STOML3: variants seen among roughly 807,000 people sequenced by gnomAD.
STOML3 encodes stomatin like 3.
A neutral mutation model predicts 29.5 loss-of-function variants in STOML3; 31 were observed. The ratio of observed to expected loss-of-function variants is 1.05; its 90% confidence interval spans 0.79 to 1.42. The LOEUF is 1.42. STOML3 is among the 40% of genes most tolerant of loss of function. The pLI is 0.00. For synonymous variants in STOML3, 122 were observed against 139.8 expected, an observed-to-expected ratio of 0.87 and a Z score of 0.90; for missense variants, 380 against 363.0, an observed-to-expected ratio of 1.05 and a Z score of -0.38.
At chr13:38,986,678 A>G (rs1868585129) in intron 1 of STOML3, among the ~76,000 whole-genome samples, 1 of 152,198 alleles carries the variant, frequency 6.6e-6, no homozygotes, top group South Asian at 2.1e-4. Context: ...CCTGTAATTC[A>G]TCTTCCCTCC....
intron 3 of STOML3, among the ~76,000 whole-genome samples, chr13:38,975,512 A>G (rs1476911018): frequency 2.6e-5 from 4 of 152,104 alleles, no homozygotes; most frequent in African/African-American, 9.7e-5. Flanking sequence ...CGCAGAGAGA[A>G]CAATTTATTC....
At chr13:38,980,442 T>C (rs1373403535) in intron 1 of STOML3, among the ~76,000 whole-genome samples, 1 of 152,156 alleles carries the variant, frequency 6.6e-6, no homozygotes, top group Non-Finnish European at 1.5e-5. Flanking sequence ...AAGATTACAA[T>C]TCTGACTGAA....
At chr13:38,986,076 T>C (rs1270893519) in intron 1 of STOML3, among the ~76,000 whole-genome samples, 1 of 138,578 alleles carries the variant, frequency 7.2e-6, no homozygotes, top group Non-Finnish European at 1.5e-5. Flanking sequence ...TTTTTTGAAA[T>C]GGAGTCTCAC....
Position 38,966,684 on chromosome 13 carries a change from G to T in STOML3, c.*141C>A. 2.8e-6 allele frequency: 2 copies of T among 722,624 alleles called. No homozygotes were observed. Among genetic ancestry groups the T allele is most frequent in the South Asian group, 3.7e-5 (2 of 54,780 alleles). The allele number at this position is 722,624 out of a possible 1,614,324, so 44.8% of individuals were successfully genotyped here. ...TTTTCTTCTCTGTATAGCCTCTAGA[G>T]CTTTTTCCTGCCAATGCTCTTCCAT... On this transcript the variant is annotated 3_prime_UTR_variant, in exon 7 of 7. Coordinates refer to ENST00000379631, the MANE Select transcript of STOML3 (RefSeq NM_145286.3).
At chr13:38,976,446 T>A in intron 3 of STOML3, 94 bp downstream of exon 3, 1 of 1,428,938 alleles carries the variant, frequency 7.0e-7, no homozygotes, top group Non-Finnish European at 9.7e-7. Flanking sequence ...TTTCTTTGAC[T>A]CTCAATAGGC....
chr13:38,976,047 G>A (rs775508609), intron 3 of STOML3, among the ~76,000 whole-genome samples: 3 of 152,138 alleles, frequency 2.0e-5, no homozygotes, highest in African/African-American at 7.2e-5. Flanking sequence ...CAAAGGCGCC[G>A]TACAATGGCT....
chr13:38,988,535 T>TATATG (rs1229918364), intron 1 of STOML3, among the ~76,000 whole-genome samples: 7 of 123,968 alleles, frequency 5.6e-5, no homozygotes, highest in Admixed American at 1.8e-4. Flanking sequence ...TTATATATAA[T>TATATG]ATATTTTATA....
intron 6 of STOML3, 71 bp downstream of exon 6, chr13:38,968,329 T>C (rs1880730192): frequency 7.0e-6 from 11 of 1,565,388 alleles, no homozygotes; most frequent in Middle Eastern, 1.7e-4. Flanking sequence ...CAATCTTCTG[T>C]TCAAGTCCTA....
intron 4 of STOML3, among the ~76,000 whole-genome samples, chr13:38,971,509 T>C: frequency 6.6e-6 from 1 of 152,220 alleles, no homozygotes; most frequent in Admixed American, 6.5e-5. Flanking sequence ...TGAATTTCTC[T>C]TCCTCTAACC....
chr13:38,968,301 GC>G, intron 6 of STOML3, 98 bp downstream of exon 6: 1 of 1,491,054 alleles, frequency 6.7e-7, no homozygotes, highest in Non-Finnish European at 9.0e-7. Flanking sequence ...CCTTTCTCAT[GC>G]AAATAATTGA....
rs563608880 is a variant in STOML3 at position 38,966,813 on chromosome 13, C to G, written c.*12G>C. The G allele has an allele frequency of 8.7e-6, 14 of 1,608,852 alleles. No homozygotes were observed. Among genetic ancestry groups the G allele is most frequent in the Non-Finnish European group, 1.2e-5 (14 of 1,176,918 alleles). ...CACTCTCTATGCAATAGCTGACTAC[C>G]GCAAGAGGACCTCAGGCTTTATTTG... On this transcript the variant is annotated 3_prime_UTR_variant, in exon 7 of 7. Transcript: ENST00000379631.
At position 38,977,750 on chromosome 13, in the gene STOML3, A is replaced by ATTTTTTTTTTTTTTTTTTTTTTTTTTTT. The variant is rs397851686; in HGVS notation, c.53-954_53-953insAAAAAAAAAAAAAAAAAAAAAAAAAAAA. Reference sequence around the variant, plus strand: ...ATTATATAATTTCTGAAGTCTCCGGATTTTTTTTTTTTTTTTTTTTTTTTT... The same window carrying ATTTTTTTTTTTTTTTTTTTTTTTTTTTT: ...ATTATATAATTTCTGAAGTCTCCGGATTTTTTTTTTTTTTTTTTTTTTTTTTTTTTTTTTTTTTTTTTTTTTTTTTTTT... On this transcript the variant is annotated intron_variant, in intron 1 of 6. Coordinates refer to ENST00000379631, the MANE Select transcript of STOML3 (RefSeq NM_145286.3). 3.8e-4 allele frequency among the ~76,000 whole-genome samples: 32 copies of ATTTTTTTTTTTTTTTTTTTTTTTTTTTT among 84,232 alleles called. 3 individuals carry two copies. Among genetic ancestry groups the ATTTTTTTTTTTTTTTTTTTTTTTTTTTT allele is most frequent in the Admixed American group, 1.3e-3 (7 of 5,468 alleles). 55.3% of individuals were successfully genotyped at this position (84,232 alleles called of 152,430 possible).
intron 1 of STOML3, among the ~76,000 whole-genome samples, chr13:38,987,451 C>G (rs1348322782): frequency 6.6e-6 from 1 of 151,752 alleles, no homozygotes; most frequent in African/African-American, 2.4e-5. Context: ...GAGATTGCAC[C>G]ACTCCACTCT....
At chr13:38,982,534 C>T (rs1460779716) in intron 1 of STOML3, among the ~76,000 whole-genome samples, 1 of 152,044 alleles carries the variant, frequency 6.6e-6, no homozygotes, top group Non-Finnish European at 1.5e-5. Context: ...AAGTAAAAGC[C>T]TAACTTCAGT....
chr13:38,980,646 G>A lies in STOML3; in HGVS notation c.53-3849C>T, dbSNP rs193244857. Reference sequence around the variant, plus strand: ...TGTGTGTATTCTCTGGACAGTTGTCGCATAACCATAAAGCCATGTCATATG... The same window carrying A: ...TGTGTGTATTCTCTGGACAGTTGTCACATAACCATAAAGCCATGTCATATG... On this transcript the variant is annotated intron_variant, in intron 1 of 6. Coordinates refer to ENST00000379631, the MANE Select transcript of STOML3 (RefSeq NM_145286.3). 1.0e-3 allele frequency among the ~76,000 whole-genome samples: 153 copies of A among 152,186 alleles called. 1 individual carries two copies. Among genetic ancestry groups the A allele is most frequent in the African/African-American group, 3.5e-3 (144 of 41,500 alleles).
chr13:38,971,438 T>A (rs770529732), intron 4 of STOML3, among the ~76,000 whole-genome samples: 14 of 152,166 alleles, frequency 9.2e-5, no homozygotes, highest in Non-Finnish European at 1.9e-4. Context: ...AAAATTAACA[T>A]ATATTTATAA....
At chr13:38,976,859 G>T in intron 1 of STOML3, 62 bp from the exon 2 acceptor site, 1 of 1,402,734 alleles carries the variant, frequency 7.1e-7, no homozygotes, top group Non-Finnish European at 9.9e-7. Flanking sequence ...CCACCCAGCT[G>T]CATGGGTGTG....
intron 1 of STOML3, among the ~76,000 whole-genome samples, chr13:38,986,287 G>A (rs1593508915): frequency 6.6e-6 from 1 of 151,602 alleles, no homozygotes; most frequent in African/African-American, 2.4e-5. Context: ...CACCTGCCTC[G>A]GCCTCCCAAA....
At chr13:38,986,048 T>G (rs1335828076) in intron 1 of STOML3, among the ~76,000 whole-genome samples, 1 of 148,292 alleles carries the variant, frequency 6.7e-6, no homozygotes, top group Non-Finnish European at 1.5e-5. Context: ...TTTTTTTTTT[T>G]TTTTTTTGGT....
Sources: gnomAD v4.1 joint callset for allele counts (sites outside exome capture counted in the v4.1 genomes callset) on GRCh38, gnomAD v4.1.1 for gene constraint, MANE v1.5 for transcripts, NCBI Gene and HGNC (gene_info 2026-07-23, HGNC 2026-07-21) for gene names.